FBXO21: variants seen among roughly 807,000 people sequenced by gnomAD.
FBXO21 encodes the protein F-box only protein 21.
FBXO21 carries 32 observed loss-of-function variants against 76.6 expected under a neutral mutation model. The observed-to-expected ratio is 0.42, with a 90% CI of 0.32 to 0.56. The LOEUF is 0.56. Among genes scored for constraint, FBXO21 ranks in the 20% least tolerant of loss-of-function variants. The pLI, the probability that FBXO21 is intolerant of heterozygous loss-of-function variation, is 0.16. For synonymous variants in FBXO21, 328 were observed against 311.5 expected (o/e 1.05, Z -0.56); for missense variants, 586 against 797.3 (o/e 0.73, Z 3.19).
At chr12:117,166,374 T>C (rs1163359633) in intron 8 of FBXO21, among the ~76,000 whole-genome samples, 1 of 152,132 alleles carries the variant, frequency 6.6e-6, no homozygotes, top group Non-Finnish European at 1.5e-5. Context: ...GCAGGTTCAC[T>C]GGCTGCAACA....
intron 9 of FBXO21, among the ~76,000 whole-genome samples, chr12:117,159,697 GT>G (rs1955956276): frequency 6.6e-6 from 1 of 152,148 alleles, no homozygotes; most frequent in African/African-American, 2.4e-5. Context: ...CATAATGGCT[GT>G]CCTTGTGGCC....
chr12:117,155,376 C>A (rs569001726), intron 11 of FBXO21: 119 of 186,660 alleles, frequency 6.4e-4, no homozygotes, highest in African/African-American at 2.6e-3. Context: ...GGTGGCCACA[C>A]GAGGGCATCT....
intron 11 of FBXO21, among the ~76,000 whole-genome samples, chr12:117,151,424 T>C (rs987185197): frequency 5.3e-5 from 8 of 152,332 alleles, no homozygotes; most frequent in African/African-American, 1.9e-4. Context: ...TATATGTATG[T>C]GATTTCTAAT....
At chr12:117,147,308 G>A (rs55718908) in intron 11 of FBXO21, among the ~76,000 whole-genome samples, 7,217 of 44,990 alleles carry the variant, frequency 0.16, 198 homozygotes, top group East Asian at 0.35. Flanking sequence ...AAAAAAAAAA[G>A]AAAAAAAAAA....
chr12:117,181,842 C>G (rs11068390), intron 3 of FBXO21, among the ~76,000 whole-genome samples: 33,002 of 151,876 alleles, frequency 0.22, 3,811 homozygotes, highest in East Asian at 0.43. Flanking sequence ...GTAGAGACGG[C>G]GTTTCTCCAT....
rs1282877515 is a variant in FBXO21, at chr12:117,180,254, G to C, written c.471-2613C>G. On this transcript the variant is annotated intron_variant, in intron 3 of 11. Transcript: ENST00000622495. Reference sequence around the variant, plus strand: ...AATGTTGTATCAAGATGACAATCTGGAAACCAGGGAAGATCAATTCCACTA... The same window carrying C: ...AATGTTGTATCAAGATGACAATCTGCAAACCAGGGAAGATCAATTCCACTA... Among the ~76,000 whole-genome samples the C allele has an allele frequency of 2.0e-5, 3 of 152,208 alleles. No individual in the cohort carries two copies. The East Asian group carries it at 5.8e-4, about 29-fold the overall frequency.
intron 4 of FBXO21, 117 bp from the exon 5 acceptor site, chr12:117,174,914 T>C: frequency 9.4e-7 from 1 of 1,066,110 alleles, no homozygotes; most frequent in Admixed American, 2.5e-5. Context: ...CTGGACAAGC[T>C]TCATGTTTTG....
intron 3 of FBXO21, among the ~76,000 whole-genome samples, chr12:117,184,161 GA>G (rs1413568811): frequency 6.6e-6 from 1 of 151,050 alleles, no homozygotes; most frequent in Non-Finnish European, 1.5e-5. Context: ...TATATTTTAT[GA>G]CATCCAAATG....
intron 3 of FBXO21, among the ~76,000 whole-genome samples, chr12:117,177,967 C>T (rs1212166709): frequency 6.6e-6 from 1 of 151,088 alleles, no homozygotes; most frequent in Non-Finnish European, 1.5e-5. Flanking sequence ...TTTTGCTGGT[C>T]CCCCTGCTTG....
In FBXO21 at chr12:117,146,055, C is replaced by A; in HGVS notation, c.*32G>T. On this transcript the variant is annotated 3_prime_UTR_variant, in exon 12 of 12. Transcript: ENST00000622495. The stretch of plus-strand genomic sequence containing the variant: ...GTCCCGTTCTCTTGGAAGATAGCAG[C>A]AGCAGCAAAGGTGCAATGTCCTCTC... 6.6e-7 allele frequency: 1 copy of A among 1,507,360 alleles called. No homozygotes were observed. The highest frequency in any genetic ancestry group is 2.4e-5 in the East Asian group (1 of 42,544). 93.4% of individuals were successfully genotyped at this position (1,507,360 alleles called of 1,614,324 possible).
At chr12:117,153,639 G>A (rs922525875) in intron 11 of FBXO21, among the ~76,000 whole-genome samples, 2 of 152,182 alleles carry the variant, frequency 1.3e-5, no homozygotes, top group African/African-American at 4.8e-5. Context: ...CACGTATCAG[G>A]CATGCTGGGG....
At chr12:117,185,863 T>C (rs941959340) in intron 3 of FBXO21, among the ~76,000 whole-genome samples, 3 of 151,452 alleles carry the variant, frequency 2.0e-5, no homozygotes, top group African/African-American at 7.4e-5. Context: ...GGATGATTTA[T>C]ATTACCAGAA....
chr12:117,174,995 T>TA lies in FBXO21; in HGVS notation c.593-199dup, dbSNP rs138433024. 9.9e-3 allele frequency among the ~76,000 whole-genome samples: 1,465 copies of TA among 147,688 alleles called. 18 individuals are homozygous for TA. Among genetic ancestry groups the TA allele is most frequent in the African/African-American group, 0.034 (1,384 of 40,558 alleles). ...TTTCATAACAAAGTAGCTTTAACTT[T>TA]AAAAAAAAAAATACATAAATCAAAC... On this transcript the variant is annotated intron_variant, in intron 4 of 11. Transcript: ENST00000622495.
chr12:117,187,137 G>A (rs894120916), intron 2 of FBXO21, among the ~76,000 whole-genome samples: 57 of 149,920 alleles, frequency 3.8e-4, no homozygotes, highest in African/African-American at 1.3e-3. Flanking sequence ...AAAAGGCGGC[G>A]GCGGCAGGTG....
At chr12:117,152,832 A>C (rs1043954222) in intron 11 of FBXO21, among the ~76,000 whole-genome samples, 1 of 152,234 alleles carries the variant, frequency 6.6e-6, no homozygotes, top group African/African-American at 2.4e-5. Flanking sequence ...TAAAATCTCT[A>C]TAGATAAAGC....
intron 8 of FBXO21, among the ~76,000 whole-genome samples, chr12:117,166,057 G>A (rs1956050022): frequency 6.6e-6 from 1 of 152,144 alleles, no homozygotes; most frequent in African/African-American, 2.4e-5. Context: ...GGGCGTGGTG[G>A]CGCATGCCTG....
chr12:117,158,526 A>G (rs1955942683), intron 9 of FBXO21, among the ~76,000 whole-genome samples: 1 of 152,218 alleles, frequency 6.6e-6, no homozygotes, highest in African/African-American at 2.4e-5. Context: ...GGGGAAAAAA[A>G]AATGCTAAAT....
intron 3 of FBXO21, among the ~76,000 whole-genome samples, chr12:117,179,121 A>G (rs1382387781): frequency 1.3e-5 from 2 of 152,244 alleles, no homozygotes; most frequent in East Asian, 1.9e-4. Flanking sequence ...AGAGAGGTCA[A>G]TGAAAATCTG....
chr12:117,189,090 G>A, intron 2 of FBXO21, 137 bp downstream of exon 2: 1 of 929,728 alleles, frequency 1.1e-6, no homozygotes, highest in East Asian at 2.4e-5. Flanking sequence ...AATGACTCTT[G>A]CAGCCATCTA....
Sources: allele counts gnomAD v4.1 joint callset (sites outside exome capture counted in the v4.1 genomes callset), GRCh38; gene constraint gnomAD v4.1.1; transcripts MANE v1.5; gene names NCBI Gene and HGNC (gene_info 2026-07-23, HGNC 2026-07-21).